The following HDAC9 variants were observed in gnomAD, a reference collection of about 807,000 sequenced individuals.
HDAC9 encodes MEF-2 interacting transcription repressor (MITR) protein.
Under a neutral mutation model 139.4 loss-of-function variants are expected in HDAC9, and 41 were observed. The observed-to-expected ratio is 0.29, with a 90% CI of 0.23 to 0.38. The LOEUF is 0.38. Among genes scored for constraint, HDAC9 ranks in the 10% least tolerant of loss-of-function variants. The probability of loss-of-function intolerance (pLI) is 1.00; values close to 1 mark genes in which losing one functional copy is unlikely to be tolerated. For missense variants in HDAC9, 1,147 were observed against 1,297.0 expected (o/e 0.88, Z 1.78); for synonymous variants, 517 against 476.2 (o/e 1.09, Z -1.12).
intron 1 of HDAC9, among the ~76,000 whole-genome samples, chr7:18,094,713 C>T (rs1037865879): frequency 6.6e-6 from 1 of 152,108 alleles, no homozygotes. Flanking sequence ...GCTTAGGCCT[C>T]CCAAAGCACT....
At chr7:18,513,796 A>C (rs1317829358) in intron 2 of HDAC9, among the ~76,000 whole-genome samples, 1 of 152,194 alleles carries the variant, frequency 6.6e-6, no homozygotes, top group Non-Finnish European at 1.5e-5. Flanking sequence ...TTGACTTTTT[A>C]ATTCCCTAAA....
intron 1 of HDAC9, among the ~76,000 whole-genome samples, chr7:18,133,140 A>C (rs970617773): frequency 6.6e-6 from 1 of 152,170 alleles, no homozygotes; most frequent in African/African-American, 2.4e-5. Context: ...TCTGTCACAA[A>C]TTGCATTGGA....
chr7:18,541,619 T>C (rs1051406309), intron 2 of HDAC9, among the ~76,000 whole-genome samples: 1 of 152,202 alleles, frequency 6.6e-6, no homozygotes, highest in East Asian at 1.9e-4. Context: ...TAATTAATTA[T>C]GTGGAATTTT....
At chr7:18,301,417 C>G (rs1798528231) in intron 1 of HDAC9, among the ~76,000 whole-genome samples, 1 of 151,994 alleles carries the variant, frequency 6.6e-6, no homozygotes, top group Non-Finnish European at 1.5e-5. Context: ...GAGGAAAAAG[C>G]AATCTAGATA....
intron 16 of HDAC9, among the ~76,000 whole-genome samples, chr7:18,789,376 G>T (rs1247989611): frequency 6.6e-6 from 1 of 151,992 alleles, no homozygotes; most frequent in Non-Finnish European, 1.5e-5. Flanking sequence ...TTGTTGGAGA[G>T]ACAAAGGAGA....
chr7:18,548,573 A>G (rs766693722), intron 2 of HDAC9, among the ~76,000 whole-genome samples: 11 of 152,178 alleles, frequency 7.2e-5, no homozygotes, highest in Non-Finnish European at 1.6e-4. Context: ...AGTGTATGTG[A>G]GTCTATTGGT....
Position 18,148,961 on chromosome 7 carries a change from A to C in HDAC9, c.-96-13268A>C, listed in dbSNP as rs77830246. 2.8e-3 allele frequency among the ~76,000 whole-genome samples: 420 copies of C among 152,310 alleles called. 2 individuals are homozygous for C. Among genetic ancestry groups the C allele is most frequent in the African/African-American group, 9.6e-3 (398 of 41,548 alleles). ...TTTGCAGGGGGAGGGTATTGTACCT[A>C]CACAGATCATAGGGTGTCATACATT... On this transcript the variant is annotated intron_variant, in intron 1 of 12. Coordinates refer to the HDAC9 transcript ENST00000417496.
intron 2 of HDAC9, among the ~76,000 whole-genome samples, chr7:18,179,330 G>A (rs933506993): frequency 6.6e-6 from 1 of 152,166 alleles, no homozygotes. Context: ...GAATCCATAG[G>A]GACTTGCCCC....
chr7:18,552,520 G>A (rs917571774), intron 2 of HDAC9, among the ~76,000 whole-genome samples: 1 of 151,984 alleles, frequency 6.6e-6, no homozygotes, highest in Non-Finnish European at 1.5e-5. Context: ...TTTTTGCAGT[G>A]ACTGTTCCAA....
intron 1 of HDAC9, among the ~76,000 whole-genome samples, chr7:18,329,849 A>G (rs1800774836): frequency 6.6e-6 from 1 of 151,754 alleles, no homozygotes; most frequent in African/African-American, 2.4e-5. Flanking sequence ...TGGCCCCCAG[A>G]AGTACTGAAG....
intron 1 of HDAC9, among the ~76,000 whole-genome samples, chr7:18,410,532 A>G (rs1218799360): frequency 1.3e-5 from 2 of 152,234 alleles, no homozygotes; most frequent in Admixed American, 6.5e-5. Context: ...ATATACACAC[A>G]CTATTTACAT....
At chr7:18,479,770 C>T (rs1795397271) in intron 1 of HDAC9, among the ~76,000 whole-genome samples, 1 of 151,848 alleles carries the variant, frequency 6.6e-6, no homozygotes, top group African/African-American at 2.4e-5. Flanking sequence ...GGACACTTTA[C>T]TTAGTTTAAC....
chr7:18,661,492 G>A (rs1389436956), intron 11 of HDAC9, among the ~76,000 whole-genome samples: 2 of 152,084 alleles, frequency 1.3e-5, no homozygotes, highest in Non-Finnish European at 2.9e-5. Context: ...AGAGCAAAAT[G>A]TGGAGTAGAA....
chr7:18,427,979 T>C (rs1280094666), intron 1 of HDAC9, among the ~76,000 whole-genome samples: 4 of 152,198 alleles, frequency 2.6e-5, no homozygotes, highest in Non-Finnish European at 4.4e-5. Flanking sequence ...AGTGGAATCA[T>C]GCAGTATGTG....
At chr7:18,416,792 A>G (rs1433262482) in intron 1 of HDAC9, among the ~76,000 whole-genome samples, 1 of 152,076 alleles carries the variant, frequency 6.6e-6, no homozygotes, top group Admixed American at 6.6e-5. Flanking sequence ...AAGTGGACCC[A>G]CTGTCTCCTT....
chr7:18,447,740 AT>A (rs1792427405), intron 1 of HDAC9, among the ~76,000 whole-genome samples: 1 of 152,228 alleles, frequency 6.6e-6, no homozygotes, highest in East Asian at 1.9e-4. Flanking sequence ...ACTGGCATAC[AT>A]TTTGTGAAAT....
At chr7:18,829,677 G>A (rs1447482053) in intron 19 of HDAC9, 129 bp downstream of exon 19, 3 of 614,864 alleles carry the variant, frequency 4.9e-6, no homozygotes, top group East Asian at 2.7e-5. Flanking sequence ...TCCTTTGAAT[G>A]TGGAAACTCA....
intron 6 of HDAC9, among the ~76,000 whole-genome samples, chr7:18,599,184 T>G (rs801535): frequency 6.6e-6 from 1 of 152,176 alleles, no homozygotes; most frequent in Non-Finnish European, 1.5e-5. Flanking sequence ...ACAGAAAAAT[T>G]GAGCAGATAT....
intron 2 of HDAC9, among the ~76,000 whole-genome samples, chr7:18,573,763 C>T (rs1825062859): frequency 6.6e-6 from 1 of 152,204 alleles, no homozygotes; most frequent in Non-Finnish European, 1.5e-5. Flanking sequence ...CTGCTATGGG[C>T]ATCCGTGTCT....
Sources: allele counts gnomAD v4.1 joint callset (sites outside exome capture counted in the v4.1 genomes callset), GRCh38; gene constraint gnomAD v4.1.1; transcripts MANE v1.5; gene names NCBI Gene and HGNC (gene_info 2026-07-23, HGNC 2026-07-21).